ROBO2: variants seen among roughly 807,000 people sequenced by gnomAD.
ROBO2 encodes roundabout homolog 2.
A neutral mutation model predicts 160.8 loss-of-function variants in ROBO2; 53 were observed. The observed-to-expected ratio is 0.33, with a 90% confidence interval of 0.26 to 0.41. ROBO2 has a LOEUF of 0.41. Ranked by LOEUF, ROBO2 falls within the 10% of genes least tolerant of loss-of-function variation. The probability of loss-of-function intolerance (pLI) is 1.00; values close to 1 mark genes in which losing one functional copy is unlikely to be tolerated. For synonymous variants in ROBO2, 664 were observed against 611.7 expected (o/e 1.09, Z -1.26); for missense variants, 1,577 against 1,722.4 (o/e 0.92, Z 1.49).
At chr3:76,216,199 C>T (rs958078147) in intron 2 of ROBO2, among the ~76,000 whole-genome samples, 1 of 152,132 alleles carries the variant, frequency 6.6e-6, no homozygotes, top group African/African-American at 2.4e-5. Context: ...AAAGCCACTA[C>T]AAAAACATGC....
intron 2 of ROBO2, among the ~76,000 whole-genome samples, chr3:76,932,412 A>C (rs1393152431): frequency 4.3e-5 from 6 of 139,418 alleles, no homozygotes; most frequent in Non-Finnish European, 9.4e-5. Flanking sequence ...GATTGCATGC[A>C]TATGTTTAGA....
chr3:76,927,394 A>G (rs1458819372), intron 2 of ROBO2, among the ~76,000 whole-genome samples: 1 of 152,216 alleles, frequency 6.6e-6, no homozygotes, highest in Non-Finnish European at 1.5e-5. Context: ...TCCATACAAT[A>G]AAAGCTCTAT....
intron 4 of ROBO2, among the ~76,000 whole-genome samples, chr3:77,482,584 A>T (rs1189640795): frequency 6.6e-6 from 1 of 152,166 alleles, no homozygotes; most frequent in African/African-American, 2.4e-5. Context: ...TTGTTAAAGG[A>T]ATTGAATAGA....
rs548003329 is a variant in ROBO2 at position 76,168,345 on chromosome 3, G to A, written c.109+230743G>A. ...CTTAGAGGTGACGATATTGTTGAAA[G>A]AATGTTTTTTATCCTATATTTTCGT... On this transcript the variant is annotated intron_variant, in intron 2 of 26. Coordinates refer to the ROBO2 transcript ENST00000487694. 2.6e-5 allele frequency among the ~76,000 whole-genome samples: 4 copies of A among 152,238 alleles called. No homozygotes were observed. In the East Asian group the frequency reaches 7.7e-4, roughly 29 times the overall value.
At chr3:75,928,025 C>G (rs181994256) in intron 1 of ROBO2, among the ~76,000 whole-genome samples, 165 of 139,636 alleles carry the variant, frequency 1.2e-3, no homozygotes, top group Middle Eastern at 4.2e-3. Context: ...CTCTCTGCCC[C>G]CCAGGCTGGA....
At chr3:76,128,932 T>C (rs2071112656) in intron 2 of ROBO2, among the ~76,000 whole-genome samples, 1 of 152,098 alleles carries the variant, frequency 6.6e-6, no homozygotes. Context: ...CAGTAACTTG[T>C]GAATAATCAT....
chr3:76,440,421 C>A (rs2076874651), intron 2 of ROBO2, among the ~76,000 whole-genome samples: 1 of 151,686 alleles, frequency 6.6e-6, no homozygotes, highest in South Asian at 2.1e-4. Flanking sequence ...CCACAACAGA[C>A]CCCGGTGTGT....
intron 2 of ROBO2, among the ~76,000 whole-genome samples, chr3:76,539,198 A>T (rs139627317): frequency 2.0e-5 from 3 of 152,094 alleles, no homozygotes; most frequent in Non-Finnish European, 4.4e-5. Flanking sequence ...CTGTCGGGGG[A>T]TGAGAGGAAA....
intron 16 of ROBO2, 106 bp downstream of exon 17, chr3:77,580,224 A>AT: frequency 9.7e-7 from 1 of 1,031,670 alleles, no homozygotes; most frequent in Non-Finnish European, 1.5e-6. Flanking sequence ...TATGAATGAT[A>AT]GGGTACACAT....
At chr3:76,300,295 G>A (rs1384676596) in intron 2 of ROBO2, among the ~76,000 whole-genome samples, 2 of 151,714 alleles carry the variant, frequency 1.3e-5, no homozygotes, top group African/African-American at 2.4e-5. Context: ...ATCCTAAATG[G>A]TGCCCACTAT....
At chr3:76,872,024 AG>A (rs1167232121) in intron 2 of ROBO2, among the ~76,000 whole-genome samples, 1 of 152,130 alleles carries the variant, frequency 6.6e-6, no homozygotes, top group Non-Finnish European at 1.5e-5. Context: ...TAACACCTGG[AG>A]ATTTGTCATA....
At chr3:77,313,679 G>A (rs937190026) in intron 2 of ROBO2, among the ~76,000 whole-genome samples, 5 of 152,054 alleles carry the variant, frequency 3.3e-5, no homozygotes, top group Admixed American at 6.6e-5. Flanking sequence ...CCGCCTCTTC[G>A]TTTCAAGCAA....
chr3:76,707,561 C>A (rs1172155935), intron 2 of ROBO2, among the ~76,000 whole-genome samples: 1 of 151,682 alleles, frequency 6.6e-6, no homozygotes, highest in Non-Finnish European at 1.5e-5. Flanking sequence ...GCTGGTGACT[C>A]CTCCCTCTAC....
At chr3:76,993,827 T>C (rs2060830544) in intron 2 of ROBO2, among the ~76,000 whole-genome samples, 1 of 152,008 alleles carries the variant, frequency 6.6e-6, no homozygotes, top group Non-Finnish European at 1.5e-5. Flanking sequence ...TCAACCATTC[T>C]ATAGAAACTA....
intron 1 of ROBO2, among the ~76,000 whole-genome samples, chr3:75,925,696 A>G (rs1253754552): frequency 2.6e-5 from 4 of 152,222 alleles, no homozygotes; most frequent in Admixed American, 2.0e-4. Context: ...TACTCTTTAT[A>G]TTAGGTATGT....
chr3:76,900,457 G>T (rs1055448540), intron 2 of ROBO2, among the ~76,000 whole-genome samples: 1 of 152,058 alleles, frequency 6.6e-6, no homozygotes, highest in Non-Finnish European at 1.5e-5. Flanking sequence ...AGGAAGTTGG[G>T]CCAAATCAAT....
chr3:77,415,246 C>G (rs932020363), intron 2 of ROBO2, among the ~76,000 whole-genome samples: 1 of 152,070 alleles, frequency 6.6e-6, no homozygotes, highest in Non-Finnish European at 1.5e-5. Flanking sequence ...TTGAAACTTA[C>G]TGAAATAGAA....
At chr3:76,598,377 A>G (rs1302668865) in intron 2 of ROBO2, among the ~76,000 whole-genome samples, 1 of 152,170 alleles carries the variant, frequency 6.6e-6, no homozygotes, top group East Asian at 1.9e-4. Context: ...AGCTGGAACT[A>G]TATAATGTGG....
chr3:76,786,703 A>T (rs2063001286), intron 2 of ROBO2, among the ~76,000 whole-genome samples: 5 of 151,174 alleles, frequency 3.3e-5, no homozygotes, highest in Admixed American at 3.3e-4. Flanking sequence ...GAGTAAGCAA[A>T]TTTCTTTTGT....
Sources: allele counts gnomAD v4.1 joint callset (sites outside exome capture counted in the v4.1 genomes callset), GRCh38; gene constraint gnomAD v4.1.1; transcripts MANE v1.5; gene names NCBI Gene and HGNC (gene_info 2026-07-23, HGNC 2026-07-21).